Variants in USP14 observed in about 807,000 individuals in gnomAD.
USP14 encodes the protein ubiquitin specific peptidase 14, also known as ubiquitin carboxyl-terminal hydrolase 14.
In USP14, 38 loss-of-function variants were observed where a neutral mutation model predicts 76.5. The observed-to-expected ratio is 0.50, with a 90% CI of 0.38 to 0.65. The LOEUF (loss-of-function observed/expected upper bound fraction) is 0.65. USP14 is among the 30% of genes least tolerant of loss of function. The probability of loss-of-function intolerance (pLI) is 0.00; values close to 1 mark genes in which losing one functional copy is unlikely to be tolerated. For synonymous variants in USP14, 192 were observed against 191.7 expected (o/e 1.00, Z -0.01); for missense variants, 467 against 586.5 (o/e 0.80, Z 2.10).
At chr18:179,368 T>C (rs1172781292) in intron 4 of USP14, among the ~76,000 whole-genome samples, 1 of 152,092 alleles carries the variant, frequency 6.6e-6, no homozygotes, top group Non-Finnish European at 1.5e-5. Flanking sequence ...ACTATATAAG[T>C]ATTTACTATT....
At chr18:190,711 T>C (rs1910062147) in intron 5 of USP14, among the ~76,000 whole-genome samples, 1 of 152,200 alleles carries the variant, frequency 6.6e-6, no homozygotes, top group Non-Finnish European at 1.5e-5. Context: ...AATTTTATTA[T>C]GTTCTGATTT....
chr18:208,769 T>A (rs1910593315), intron 13 of USP14, among the ~76,000 whole-genome samples: 1 of 152,148 alleles, frequency 6.6e-6, no homozygotes, highest in Non-Finnish European at 1.5e-5. Context: ...TATTTGAGAC[T>A]GAGTCTTGCT....
chr18:163,396 G>A lies in USP14; in HGVS notation c.105G>A (p.Ala35=), dbSNP rs138796746. Reference sequence around the variant, plus strand: ...TGGTATTCAAGGCTCAGCTGTTTGCGTTGACTGGAGTCCAGCCTGCCAGAC... The same window carrying A: ...TGGTATTCAAGGCTCAGCTGTTTGCATTGACTGGAGTCCAGCCTGCCAGAC... The part of the protein sequence containing the change: ...PPMVFKAQLF[A]LTGVQPARQK... Residue 35 remains alanine, a synonymous_variant, in exon 2 of 16, where the codon GCG becomes GCA. Transcript: ENST00000261601. The A allele has an allele frequency of 2.2e-4, 353 of 1,613,808 alleles. 1 individual carries two copies. The Admixed American group carries it at 5.4e-3, about 24-fold the overall frequency.
intron 13 of USP14, among the ~76,000 whole-genome samples, chr18:209,644 A>G (rs1910617850): frequency 6.6e-6 from 1 of 152,126 alleles, no homozygotes; most frequent in South Asian, 2.1e-4. Flanking sequence ...ACACTGGGGA[A>G]TTGGGTTTTT....
At chr18:194,968 A>C (rs1910191195) in intron 6 of USP14, among the ~76,000 whole-genome samples, 1 of 152,136 alleles carries the variant, frequency 6.6e-6, no homozygotes, top group Non-Finnish European at 1.5e-5. Context: ...GGAGTTTCAC[A>C]CAGTACCCTA....
intron 6 of USP14, among the ~76,000 whole-genome samples, chr18:195,034 GTTTTT>G (rs533553795): frequency 6.9e-6 from 1 of 145,240 alleles, no homozygotes; most frequent in Admixed American, 6.9e-5. Flanking sequence ...CATTAAAAAA[GTTTTT>G]TTTTTTTCCT....
Position 213,969 on chromosome 18 carries a change from G to GAT in USP14, c.*2687_*2688dup, listed in dbSNP as rs1910755819. 1 of 129,500 alleles carries GAT rather than the reference G, an allele frequency of 7.7e-6. No homozygotes were observed. The highest frequency in any genetic ancestry group is 1.6e-5 in the Non-Finnish European group (1 of 60,776). The allele number at this position is 129,500 out of a possible 1,614,324, so 8.0% of individuals were successfully genotyped here. On this transcript the variant is annotated 3_prime_UTR_variant, in exon 16 of 16. Coordinates refer to ENST00000261601, the MANE Select transcript of USP14 (RefSeq NM_005151.4). ...AACATTTTCTGTAATGGACAAGATA[G>GAT]ATAGATTAGATAGATAGATAGATAG...
At position 159,047 on chromosome 18, in the gene USP14, C is replaced by T. The variant is rs189225788; in HGVS notation, c.16+333C>T. 2.4e-3 allele frequency: 648 copies of T among 272,042 alleles called. 3 individuals carry two copies. The highest frequency in any genetic ancestry group is 0.015 in the Middle Eastern group (14 of 942). The allele number at this position is 272,042 out of a possible 1,614,324, so 16.9% of individuals were successfully genotyped here. A position where few individuals can be genotyped will look rare whatever the true frequency, so the allele number is the denominator to read the frequency against. On this transcript the variant is annotated intron_variant, in intron 1 of 15. Transcript: ENST00000261601. ...GTGTGTCCTGGGGCGCTGGGCCAGG[C>T]TGGAGGTGCAGGGAGATTCCTTTGG... is the stretch of plus-strand genomic sequence containing the variant.
Position 186,421 on chromosome 18 carries a change from A to G in USP14, c.404+6082A>G, listed in dbSNP as rs149483154. ...CAGTGAGCTGTGATGATGCCACTGC[A>G]CTCCAGCCTGGGCAATGCAATGAGA... is the stretch of plus-strand genomic sequence containing the variant. On this transcript the variant is annotated intron_variant, in intron 5 of 15. Transcript: ENST00000261601. Among the ~76,000 whole-genome samples, 654 of 152,122 alleles carry G rather than the reference A, an allele frequency of 4.3e-3. 4 individuals carry two copies. The highest frequency in any genetic ancestry group is 0.024 in the Middle Eastern group (7 of 294).
In USP14 at chr18:158,604, C is replaced by G. The variant is rs1909017025; in HGVS notation, c.-95C>G. 2.1e-6 allele frequency: 3 copies of G among 1,396,720 alleles called. No individual in the cohort carries two copies. Among genetic ancestry groups the G allele is most frequent in the Non-Finnish European group, 2.9e-6 (3 of 1,041,264 alleles). The allele number at this position is 1,396,720 out of a possible 1,614,324, so 86.5% of individuals were successfully genotyped here. A position where few individuals can be genotyped will look rare whatever the true frequency, so the allele number is the denominator to read the frequency against. On this transcript the variant is annotated 5_prime_UTR_variant, in exon 1 of 16. Coordinates refer to ENST00000261601, the MANE Select transcript of USP14 (RefSeq NM_005151.4). ...GCCGCCGCCACCACCGCGCCTCCGC[C>G]TCGGCCGCCGCCGCAGCTGCTCCTG...
At chr18:158,939 G>C in intron 1 of USP14, 1 of 551,226 alleles carries the variant, frequency 1.8e-6, no homozygotes, top group Non-Finnish European at 2.7e-6. Context: ...ATGGGTGGGG[G>C]GAGTGGAGAT....
In USP14 at chr18:213,990, G is replaced by GAT. The variant is rs1910761846; in HGVS notation, c.*2708_*2709dup. 5 of 149,656 alleles carry GAT rather than the reference G, an allele frequency of 3.3e-5. No individual in the cohort carries two copies. Among genetic ancestry groups the GAT allele is most frequent in the African/African-American group, 9.9e-5 (4 of 40,216 alleles). The allele number at this position is 149,656 out of a possible 1,614,324, so 9.3% of individuals were successfully genotyped here. On this transcript the variant is annotated 3_prime_UTR_variant, in exon 16 of 16. Transcript: ENST00000261601. The stretch of plus-strand genomic sequence containing the variant: ...GATAGATAGATTAGATAGATAGATA[G>GAT]ATAGATAGATGATGATTGATTGATG...
intron 7 of USP14, 83 bp downstream of exon 7, chr18:196,850 G>A (rs973836020): frequency 8.3e-5 from 128 of 1,533,918 alleles, no homozygotes; most frequent in Non-Finnish European, 1.1e-4. Context: ...AACATAGTTC[G>A]AAATATAAAC....
chr18:165,299 G>T (rs1185215983), intron 2 of USP14, among the ~76,000 whole-genome samples: 1 of 152,098 alleles, frequency 6.6e-6, no homozygotes, highest in African/African-American at 2.4e-5. Flanking sequence ...TCCTTCAAGG[G>T]TTAGATAAAA....
At chr18:200,145 G>C (rs934008522) in intron 10 of USP14, among the ~76,000 whole-genome samples, 2 of 152,146 alleles carry the variant, frequency 1.3e-5, no homozygotes, top group Non-Finnish European at 2.9e-5. Flanking sequence ...AATGTTTGTT[G>C]AATAGTTTAC....
In USP14 at chr18:163,295, A is replaced by AT; in HGVS notation, c.17-9dup. 6.3e-7 allele frequency: 1 copy of AT among 1,588,556 alleles called. No homozygotes were observed. The highest frequency in any genetic ancestry group is 8.6e-7 in the Non-Finnish European group (1 of 1,167,028). On this transcript the variant is annotated splice_polypyrimidine_tract_variant and intron_variant, in intron 1 of 15. Transcript: ENST00000261601. ...TTATTTTTTAATTAAAAAAATTGTG[A>AT]TTTTGTTTGCAGTTACTGTAAAATG...
At chr18:182,933 A>G (rs958986595) in intron 5 of USP14, among the ~76,000 whole-genome samples, 1 of 152,236 alleles carries the variant, frequency 6.6e-6, no homozygotes, top group African/African-American at 2.4e-5. Flanking sequence ...GTCGTTTTTA[A>G]GAAGTGTGGA....
intron 5 of USP14, among the ~76,000 whole-genome samples, chr18:183,117 C>A (rs1235795354): frequency 6.6e-6 from 1 of 152,010 alleles, no homozygotes; most frequent in East Asian, 1.9e-4. Context: ...TTATATATAT[C>A]CCAAAATATT....
chr18:211,042 G>T (rs1598281908), intron 15 of USP14, 91 bp from the exon 16 acceptor site: 1 of 1,350,478 alleles, frequency 7.4e-7, no homozygotes, highest in East Asian at 2.4e-5. Context: ...GAGCACTGCT[G>T]TGCCTCCGAT....
Sources: allele counts gnomAD v4.1 joint callset (sites outside exome capture counted in the v4.1 genomes callset), GRCh38; gene constraint gnomAD v4.1.1; transcripts MANE v1.5; gene names NCBI Gene and HGNC (gene_info 2026-07-23, HGNC 2026-07-21).